The following CEP295 variants were observed in gnomAD, a reference collection of about 807,000 sequenced individuals.
CEP295 encodes the protein centrosomal protein 295.
In CEP295, 190 loss-of-function variants were observed where a neutral mutation model predicts 291.6. The observed-to-expected ratio is 0.65, with a 90% CI of 0.58 to 0.73. CEP295 has a LOEUF of 0.73. CEP295 is among the 30% of genes least tolerant of loss of function. The pLI is 0.00. For missense variants in CEP295, 2,863 were observed against 2,949.4 expected (o/e 0.97, Z 0.68); for synonymous variants, 993 against 1,038.8 (o/e 0.96, Z 0.85).
intron 18 of CEP295, among the ~76,000 whole-genome samples, chr11:93,709,566 G>C (rs1952754068): frequency 6.6e-6 from 1 of 152,102 alleles, no homozygotes; most frequent in African/African-American, 2.4e-5. Context: ...AGTATAATTT[G>C]AAGTTAGGTA....
chr11:93,687,968 C>A, intron 10 of CEP295, 103 bp downstream of exon 10: 1 of 685,892 alleles, frequency 1.5e-6, no homozygotes, highest in Non-Finnish European at 2.3e-6. Flanking sequence ...AGGAACAAAA[C>A]ATAATCCTGC....
At chr11:93,728,962 TG>T (rs904493258) in intron 25 of CEP295, 141 bp downstream of exon 25, 6 of 685,854 alleles carry the variant, frequency 8.7e-6, no homozygotes, top group Non-Finnish European at 1.4e-5. Flanking sequence ...GCTCTCAATT[TG>T]TCTTAAACCT....
At chr11:93,729,325 T>C in intron 25 of CEP295, 109 bp from the exon 26 acceptor site, 2 of 736,340 alleles carry the variant, frequency 2.7e-6, no homozygotes, top group East Asian at 5.4e-5. Context: ...CAGCTAAGAT[T>C]GAGGCTGCAG....
At chr11:93,669,880 C>A in intron 5 of CEP295, 110 bp downstream of exon 5, 4 of 654,802 alleles carry the variant, frequency 6.1e-6, no homozygotes, top group South Asian at 4.2e-5. Flanking sequence ...TTTTCTTGTA[C>A]AATTAAAAAC....
rs75243400 is a variant in CEP295, at chr11:93,672,253, A to G, written c.528+2483A>G. The stretch of plus-strand genomic sequence containing the variant: ...TGCTAACTGTTCAAGTTAACTACTT[A>G]TATATTAAAGTCTAGGAATGTAAAC... On this transcript the variant is annotated intron_variant, in intron 5 of 29. Transcript: ENST00000325212. 7.9e-3 allele frequency among the ~76,000 whole-genome samples: 1,209 copies of G among 152,302 alleles called. 16 individuals carry two copies. Among genetic ancestry groups the G allele is most frequent in the African/African-American group, 0.027 (1,139 of 41,560 alleles).
intron 17 of CEP295, among the ~76,000 whole-genome samples, chr11:93,705,918 A>T (rs1952483184): frequency 6.6e-6 from 1 of 152,162 alleles, no homozygotes; most frequent in African/African-American, 2.4e-5. Context: ...TTTAAGCTTG[A>T]TATAAGCCTG....
rs1339468510 is a variant in CEP295 at position 93,700,052 on chromosome 11, T to C, written c.5140T>C (p.Leu1714=). Residue 1714 remains leucine, a synonymous_variant, in exon 15 of 30, where the codon TTG becomes CTG. Coordinates refer to ENST00000325212, the MANE Select transcript of CEP295 (RefSeq NM_033395.2). ...AGATAACTTGGGACTTCAGAAACAG[T>C]TGGATCTACAAAGAGAAGTTCTGCA... ...QQDNLGLQKQ[L]DLQREVLHYS... 2 of 1,551,808 alleles carry C rather than the reference T, an allele frequency of 1.3e-6. 1 individual carries two copies.
chr11:93,728,372 C>A, intron 24 of CEP295: 1 of 207,468 alleles, frequency 4.8e-6, no homozygotes, highest in South Asian at 1.3e-4. Context: ...CACAGCCAAC[C>A]TGCATTTATA....
At chr11:93,715,557 G>A (rs180953037) in intron 18 of CEP295, among the ~76,000 whole-genome samples, 1 of 152,016 alleles carries the variant, frequency 6.6e-6, no homozygotes, top group East Asian at 1.9e-4. Context: ...AAGCAGAAGG[G>A]GTCTCTTCTC....
chr11:93,667,843 A>T, intron 3 of CEP295, 36 bp downstream of exon 3: 1 of 1,342,526 alleles, frequency 7.4e-7, no homozygotes, highest in Non-Finnish European at 1.0e-6. Context: ...CTGTTGTGGC[A>T]GTAATATTAG....
At chr11:93,707,666 G>A (rs913098679) in intron 18 of CEP295, among the ~76,000 whole-genome samples, 1 of 151,886 alleles carries the variant, frequency 6.6e-6, no homozygotes, top group Non-Finnish European at 1.5e-5. Flanking sequence ...GGAGAATGGC[G>A]TGAACCTGGG....
Position 93,668,930 on chromosome 11 carries a change from C to A in CEP295, c.432C>A (p.Thr144=), listed in dbSNP as rs1944101. 0.97 allele frequency: 1,088,436 copies of A among 1,124,824 alleles called. 529,405 individuals carry two copies. The highest frequency in any genetic ancestry group is 0.99 in the Non-Finnish European group (774,085 of 781,892). The allele number at this position is 1,124,824 out of a possible 1,614,324, so 69.7% of individuals were successfully genotyped here. A position where few individuals can be genotyped will look rare whatever the true frequency, so the allele number is the denominator to read the frequency against. ...AAGAAATATTACTGAAACAAAAAAC[C>A]TGGTAAAGTAATAATTTTTACTATA... ...NQKEILLKQK[T]WHIKARKEAL... is the part of the protein sequence containing the mutation. The change falls in exon 4 of 30, where the codon ACC becomes ACA. Residue 144 remains threonine, a splice_region_variant and synonymous_variant. Transcript: ENST00000325212.
At position 93,703,624 on chromosome 11, in the gene CEP295, ACTGTT is replaced by A. The variant is rs147849896; in HGVS notation, c.5596+713_5596+717del. 8.3e-3 allele frequency among the ~76,000 whole-genome samples: 1,189 copies of A among 143,102 alleles called. 22 individuals are homozygous for A. The highest frequency in any genetic ancestry group is 0.056 in the East Asian group (271 of 4,880). The allele number at this position is 143,102 out of a possible 152,430, so 93.9% of individuals were successfully genotyped here. A position where few individuals can be genotyped will look rare whatever the true frequency, so the allele number is the denominator to read the frequency against. ...TGTCACTTTCTACTTTCCTACCTTC[ACTGTT>A]CTGTTCTTTTCTTATATTTTTATAG... On this transcript the variant is annotated intron_variant, in intron 17 of 29. Transcript: ENST00000325212.
At chr11:93,674,985 A>G (rs997022275) in intron 5 of CEP295, among the ~76,000 whole-genome samples, 16 of 152,208 alleles carry the variant, frequency 1.1e-4, no homozygotes, top group South Asian at 2.1e-4. Flanking sequence ...GTTGTGATGG[A>G]CTGAATCTGC....
intron 18 of CEP295, among the ~76,000 whole-genome samples, chr11:93,709,837 A>G (rs1227431585): frequency 6.6e-6 from 1 of 151,952 alleles, no homozygotes; most frequent in African/African-American, 2.4e-5. Context: ...ATCTTTTACA[A>G]GTTTCATTGT....
Position 93,668,889 on chromosome 11 carries a change from G to A in CEP295, c.391G>A (p.Val131Ile), listed in dbSNP as rs763135050. ...TTTGAGGCATAAAGAAGCCTTGAAA[G>A]TACAGAAAAATCAAAAAGAAATATT... ...ADLRHKEALK[V>I]QKNQKEILLK... Residue 131 changes from valine to isoleucine, a missense_variant, in exon 4 of 30, where the codon GTA becomes ATA. Physicochemically the swap from Val to Ile is conservative, Grantham distance 29. Coordinates refer to ENST00000325212, the MANE Select transcript of CEP295 (RefSeq NM_033395.2). The A allele has an allele frequency of 5.1e-6, 7 of 1,379,164 alleles. No individual in the cohort carries two copies. Among genetic ancestry groups the A allele is most frequent in the Non-Finnish European group, 7.0e-6 (7 of 1,004,642 alleles). 85.4% of individuals were successfully genotyped at this position (1,379,164 alleles called of 1,614,324 possible).
In CEP295 at chr11:93,669,715, AAG is replaced by A. The variant is rs1180327523; in HGVS notation, c.479_480del (p.Arg160IlefsTer16). 1.3e-6 allele frequency: 2 copies of A among 1,550,820 alleles called. No individual in the cohort carries two copies. Among genetic ancestry groups the A allele is most frequent in the Non-Finnish European group, 1.7e-6 (2 of 1,146,378 alleles). On this transcript the variant is annotated frameshift_variant, in exon 5 of 30. Coordinates refer to ENST00000325212, the MANE Select transcript of CEP295 (RefSeq NM_033395.2). LOFTEE classifies it high-confidence loss of function. The stretch of plus-strand genomic sequence containing the variant: ...CGAAAGGAAGCACTGCTTGTGGAAA[AAG>A]AGAGATCAGCCAAAATTACAAGTCT...
chr11:93,687,902 T>A, intron 10 of CEP295, 37 bp downstream of exon 10: 2 of 1,424,754 alleles, frequency 1.4e-6, no homozygotes, highest in Middle Eastern at 1.8e-4. Context: ...CTATAAACCC[T>A]TTTAAGTTGT....
chr11:93,703,066 C>T (rs1952276023), intron 17 of CEP295, 147 bp downstream of exon 17: 1 of 659,618 alleles, frequency 1.5e-6, no homozygotes, highest in Non-Finnish European at 2.4e-6. Context: ...TGGGTTCAAG[C>T]AAATCTCCTG....
Sources: gnomAD v4.1 joint callset for allele counts (sites outside exome capture counted in the v4.1 genomes callset) on GRCh38, gnomAD v4.1.1 for gene constraint, MANE v1.5 for transcripts, NCBI Gene and HGNC (gene_info 2026-07-23, HGNC 2026-07-21) for gene names.